CUX1: variants seen among roughly 807,000 people sequenced by gnomAD.
CUX1 encodes cut like homeobox 1, also known as protein CASP.
A neutral mutation model predicts 158.8 loss-of-function variants in CUX1; 31 were observed. The observed-to-expected ratio is 0.20, with a 90% CI of 0.15 to 0.26. The LOEUF is 0.26. Ranked by LOEUF, CUX1 falls within the 10% of genes least tolerant of loss-of-function variation. The pLI is 1.00. For missense variants in CUX1, 1,589 were observed against 2,014.6 expected (o/e 0.79, Z 4.04); for synonymous variants, 879 against 862.1 (o/e 1.02, Z -0.34).
chr7:101,887,842 C>CCTTTTTTTTT (rs1562966470), intron 1 of CUX1, among the ~76,000 whole-genome samples: 6 of 135,038 alleles, frequency 4.4e-5, no homozygotes, highest in East Asian at 2.3e-4. Context: ...ATGACGGTGA[C>CCTTTTTTTTT]ATTTTTTTTT....
At chr7:102,141,105 A>G (rs1405852210) in intron 8 of CUX1, among the ~76,000 whole-genome samples, 3 of 152,048 alleles carry the variant, frequency 2.0e-5, no homozygotes, top group South Asian at 2.1e-4. Flanking sequence ...GTCTGGCCCC[A>G]TCTGAATTGT....
intron 12 of CUX1, 115 bp downstream of exon 12, chr7:102,189,986 T>C: frequency 9.7e-7 from 1 of 1,033,192 alleles, no homozygotes; most frequent in Non-Finnish European, 1.5e-6. Context: ...GCTCAGCAGA[T>C]GCCCGTAAAT....
chr7:101,936,383 G>C (rs986692136), intron 2 of CUX1, among the ~76,000 whole-genome samples: 1 of 152,250 alleles, frequency 6.6e-6, no homozygotes. Context: ...AGAGAGGCAC[G>C]AACGTCATTT....
intron 1 of CUX1, among the ~76,000 whole-genome samples, chr7:101,860,726 C>CCCCTTCCT (rs1797348575): frequency 3.2e-5 from 4 of 126,604 alleles, no homozygotes; most frequent in Admixed American, 8.0e-5. Flanking sequence ...TCTTTTATCT[C>CCCCTTCCT]CCCTTCCTCC....
intron 1 of CUX1, among the ~76,000 whole-genome samples, chr7:101,878,742 G>A (rs1400574431): frequency 6.6e-6 from 1 of 151,416 alleles, no homozygotes; most frequent in Non-Finnish European, 1.5e-5. Context: ...GTATGATCTC[G>A]GCTCACTGCA....
chr7:102,049,830 G>A (rs995151013), intron 3 of CUX1, among the ~76,000 whole-genome samples: 22 of 152,194 alleles, frequency 1.4e-4, no homozygotes, highest in African/African-American at 2.4e-5. Context: ...GCCCCTTGAT[G>A]TTTGGGGACT....
intron 2 of CUX1, among the ~76,000 whole-genome samples, chr7:101,953,822 A>C (rs1206813449): frequency 4.1e-5 from 6 of 147,874 alleles, no homozygotes; most frequent in African/African-American, 7.4e-5. Context: ...GAAATCCACA[A>C]AAAAAAAAAA....
chr7:102,068,446 A>AC (rs1554473709), intron 3 of CUX1, among the ~76,000 whole-genome samples: 3 of 151,828 alleles, frequency 2.0e-5, no homozygotes, highest in African/African-American at 7.3e-5. Context: ...TATCGGGTTG[A>AC]GGGGGTGGAA....
At chr7:102,164,862 A>G (rs147174385) in intron 9 of CUX1, among the ~76,000 whole-genome samples, 1,919 of 152,174 alleles carry the variant, frequency 0.013, 36 homozygotes, top group African/African-American at 0.043. Context: ...TTTAATGGCC[A>G]TGCAAGCAGA....
downstream of CUX1, among the ~76,000 whole-genome samples, chr7:102,261,972 G>A (rs1054972098): frequency 7.9e-5 from 12 of 152,106 alleles, no homozygotes; most frequent in African/African-American, 2.4e-4. Context: ...TTTAAAATTC[G>A]CCGGATGTGC....
intron 9 of CUX1, among the ~76,000 whole-genome samples, chr7:102,162,751 A>G (rs895230368): frequency 6.6e-6 from 1 of 152,106 alleles, no homozygotes; most frequent in African/African-American, 2.4e-5. Context: ...CCTGGGCTCA[A>G]ACGATCCACC....
intron 1 of CUX1, among the ~76,000 whole-genome samples, chr7:101,835,507 G>T (rs1677326088): frequency 6.6e-6 from 1 of 152,204 alleles, no homozygotes; most frequent in Non-Finnish European, 1.5e-5. Context: ...TTTCTTAGGT[G>T]CAATTGCCAG....
intron 2 of CUX1, among the ~76,000 whole-genome samples, chr7:102,015,526 C>T (rs1179273099): frequency 6.6e-6 from 1 of 152,098 alleles, no homozygotes. Flanking sequence ...CCGCATCCAG[C>T]CGAAAGGATA....
At chr7:102,100,490 T>C (rs1287529389) in intron 5 of CUX1, among the ~76,000 whole-genome samples, 1 of 152,254 alleles carries the variant, frequency 6.6e-6, no homozygotes, top group Non-Finnish European at 1.5e-5. Context: ...CTGCTACTTA[T>C]TCAGCAGTGT....
At chr7:102,214,917 T>A (rs1266251195) in intron 20 of CUX1, among the ~76,000 whole-genome samples, 2 of 152,224 alleles carry the variant, frequency 1.3e-5, no homozygotes, top group African/African-American at 4.8e-5. Context: ...CCAAAATTAG[T>A]CTGTCATTTG....
intron 19 of CUX1, among the ~76,000 whole-genome samples, chr7:102,280,392 G>A (rs913979039): frequency 2.6e-5 from 4 of 152,340 alleles, no homozygotes; most frequent in Admixed American, 6.5e-5. Flanking sequence ...AGGACTACCC[G>A]AGGGTGTGTG....
intron 21 of CUX1, among the ~76,000 whole-genome samples, chr7:102,228,993 C>T (rs1226718882): frequency 6.6e-5 from 10 of 152,226 alleles, no homozygotes; most frequent in Admixed American, 5.2e-4. Context: ...CTGGAGTAAC[C>T]ACGCCTGCCT....
At position 101,910,290 on chromosome 7, in the gene CUX1, G is replaced by A. The variant is rs181821501; in HGVS notation, c.31-5825G>A. On this transcript the variant is annotated intron_variant, in intron 1 of 23. Transcript: ENST00000292535. ...GCCCCCCAAGTAGCTGGAACCACAG[G>A]CACCCACCACCGTGTCCAGCTAATT... is the stretch of plus-strand genomic sequence containing the variant. Among the ~76,000 whole-genome samples, 469 of 152,124 alleles carry A rather than the reference G, an allele frequency of 3.1e-3. 3 individuals carry two copies. The highest frequency in any genetic ancestry group is 8.5e-3 in the South Asian group (41 of 4,822).
In CUX1 at chr7:102,111,926, C is replaced by A. The variant is rs1301327802; in HGVS notation, c.607+152C>A. 15 of 614,790 alleles carry A rather than the reference C, an allele frequency of 2.4e-5. No homozygotes were observed. The East Asian group carries it at 4.2e-4, about 17-fold the overall frequency. The allele number at this position is 614,790 out of a possible 1,614,324, so 38.1% of individuals were successfully genotyped here. ...GCCCACGCTGAAGAATTCCGCAGCA[C>A]GCCCGCCAGCTGCTGCGCCTCATTC... is the stretch of plus-strand genomic sequence containing the variant. On this transcript the variant is annotated intron_variant, in intron 7 of 23. Transcript: ENST00000292535.
Sources: gnomAD v4.1 joint callset for allele counts (sites outside exome capture counted in the v4.1 genomes callset) on GRCh38, gnomAD v4.1.1 for gene constraint, MANE v1.5 for transcripts, NCBI Gene and HGNC (gene_info 2026-07-23, HGNC 2026-07-21) for gene names.